GPR158: variants seen among roughly 807,000 people sequenced by gnomAD.
The protein encoded by GPR158 is G protein-coupled receptor 158, also known as metabotropic glycine receptor.
A neutral mutation model predicts 78.2 loss-of-function variants in GPR158; 30 were observed. The observed-to-expected ratio is 0.38, with a 90% CI of 0.29 to 0.52. The LOEUF is 0.52. Ranked by LOEUF, GPR158 falls within the 20% of genes least tolerant of loss-of-function variation. The pLI, the probability that GPR158 is intolerant of heterozygous loss-of-function variation, is 0.83. For missense variants in GPR158, 1,463 were observed against 1,523.5 expected, an observed-to-expected ratio of 0.96 and a Z score of 0.66; for synonymous variants, 581 against 591.1, an observed-to-expected ratio of 0.98 and a Z score of 0.25.
In GPR158 at chr10:25,175,394, T is replaced by C; in HGVS notation, c.-27T>C. ...TAAAAAGTGATTCCCCCCCCTCCCG[T>C]TCCCTCCTCTTCTCTCTGGGAGGCA... On this transcript the variant is annotated 5_prime_UTR_variant, in exon 1 of 11. Coordinates refer to ENST00000376351, the MANE Select transcript of GPR158 (RefSeq NM_020752.3). The surrounding 1 kb of genome is among the most constrained non-coding windows in gnomAD (Gnocchi z 6.4). 7.3e-7 allele frequency: 1 copy of C among 1,374,416 alleles called. No individual in the cohort carries two copies. The highest frequency in any genetic ancestry group is 1.4e-5 in the African/African-American group (1 of 69,028). The allele number at this position is 1,374,416 out of a possible 1,614,324, so 85.1% of individuals were successfully genotyped here.
intron 4 of GPR158, among the ~76,000 whole-genome samples, chr10:25,456,905 ATTAT>A (rs1835298233): frequency 6.6e-6 from 1 of 152,144 alleles, no homozygotes; most frequent in Non-Finnish European, 1.5e-5. Context: ...TTAGAGTTTA[ATTAT>A]TAAGATTTTT....
chr10:25,318,297 TCA>T lies in GPR158; in HGVS notation c.1009-77612_1009-77611del, dbSNP rs562713085. Among the ~76,000 whole-genome samples, 111 of 152,160 alleles carry T rather than the reference TCA, an allele frequency of 7.3e-4. No homozygotes were observed. In the South Asian group the frequency reaches 0.01, roughly 14 times the overall value. On this transcript the variant is annotated intron_variant, in intron 2 of 10. Coordinates refer to ENST00000376351, the MANE Select transcript of GPR158 (RefSeq NM_020752.3). ...GCAATTTCCAACAGTTGCCTCTCTC[TCA>T]CTCATCTTTCTCGGTGAGCACTGCC...
intron 3 of GPR158, among the ~76,000 whole-genome samples, chr10:25,401,218 A>G (rs763940638): frequency 1.3e-5 from 2 of 152,126 alleles, no homozygotes; most frequent in African/African-American, 4.8e-5. Flanking sequence ...GAGCTTGAAC[A>G]CCACAGTCTC....
intron 2 of GPR158, among the ~76,000 whole-genome samples, chr10:25,254,975 A>G (rs1252955479): frequency 6.6e-6 from 1 of 152,124 alleles, no homozygotes; most frequent in Non-Finnish European, 1.5e-5. Context: ...TTCTGGGTCT[A>G]TTACTTCCTG....
chr10:25,299,317 G>T (rs1277018391), intron 2 of GPR158, among the ~76,000 whole-genome samples: 1 of 152,106 alleles, frequency 6.6e-6, no homozygotes, highest in Non-Finnish European at 1.5e-5. Context: ...TATAGTCATT[G>T]TAATGTATCT....
At chr10:25,272,248 G>A (rs140936060) in intron 2 of GPR158, among the ~76,000 whole-genome samples, 93 of 152,150 alleles carry the variant, frequency 6.1e-4, no homozygotes, top group African/African-American at 2.2e-3. Flanking sequence ...TTCTTGCTAA[G>A]CTTTTTCAAA....
intron 2 of GPR158, among the ~76,000 whole-genome samples, chr10:25,230,893 A>G (rs1052542329): frequency 6.6e-6 from 1 of 152,162 alleles, no homozygotes; most frequent in Non-Finnish European, 1.5e-5. Context: ...ACCACATGAC[A>G]ATTTTGTGGA....
intron 2 of GPR158, among the ~76,000 whole-genome samples, chr10:25,356,458 C>T (rs1347774301): frequency 6.6e-6 from 1 of 152,028 alleles, no homozygotes; most frequent in Admixed American, 6.6e-5. Context: ...TGTGTCCCCA[C>T]CCAAATCTCA....
At chr10:25,538,538 A>G (rs1836531450) in intron 5 of GPR158, among the ~76,000 whole-genome samples, 1 of 152,060 alleles carries the variant, frequency 6.6e-6, no homozygotes, top group Non-Finnish European at 1.5e-5. Flanking sequence ...CTGGAGTGCG[A>G]TGGTTATTCA....
At chr10:25,424,342 G>A (rs1280586866) in intron 4 of GPR158, among the ~76,000 whole-genome samples, 1 of 152,152 alleles carries the variant, frequency 6.6e-6, no homozygotes, top group Non-Finnish European at 1.5e-5. Flanking sequence ...TGTTCACTCT[G>A]ATGGCATGGC....
intron 6 of GPR158, among the ~76,000 whole-genome samples, chr10:25,560,896 T>TACAG (rs1836851271): frequency 6.6e-6 from 1 of 152,188 alleles, no homozygotes; most frequent in African/African-American, 2.4e-5. Context: ...CAATCTTGAT[T>TACAG]ACAGAGAAAA....
chr10:25,498,931 C>A lies in GPR158; in HGVS notation c.1404+32212C>A, dbSNP rs376383706. Among the ~76,000 whole-genome samples the A allele has an allele frequency of 2.0e-5, 3 of 152,200 alleles. 1 individual carries two copies. The South Asian group carries it at 6.2e-4, about 32-fold the overall frequency. On this transcript the variant is annotated intron_variant, in intron 5 of 10. Transcript: ENST00000376351. ...AATGACTCATTTGCTTGAGGACTTT[C>A]GGAACCCTACAAGCCTGCAGGGCCT... is the stretch of plus-strand genomic sequence containing the variant.
chr10:25,561,642 G>A (rs1218437717), intron 6 of GPR158, among the ~76,000 whole-genome samples: 1 of 152,048 alleles, frequency 6.6e-6, no homozygotes, highest in Non-Finnish European at 1.5e-5. Flanking sequence ...GCCATCAAAT[G>A]TCCTTTATTT....
At chr10:25,262,200 A>C (rs536310294) in intron 2 of GPR158, among the ~76,000 whole-genome samples, 13 of 152,218 alleles carry the variant, frequency 8.5e-5, no homozygotes, top group African/African-American at 3.1e-4. Context: ...GGAATGATAG[A>C]CTTCTCTTGA....
chr10:25,257,408 G>C (rs1853903970), intron 2 of GPR158, among the ~76,000 whole-genome samples: 1 of 152,192 alleles, frequency 6.6e-6, no homozygotes, highest in Admixed American at 6.5e-5. Flanking sequence ...AAAAGACTTA[G>C]AAATTCTGAT....
chr10:25,422,625 T>C (rs1834765892), intron 4 of GPR158, among the ~76,000 whole-genome samples: 1 of 50,576 alleles, frequency 2.0e-5, no homozygotes, highest in African/African-American at 8.4e-5. Flanking sequence ...TTCATTGTAT[T>C]TGCAAAAAAA....
intron 1 of GPR158, among the ~76,000 whole-genome samples, chr10:25,208,059 G>T (rs76263282): frequency 1.3e-5 from 2 of 152,178 alleles, no homozygotes; most frequent in Admixed American, 1.3e-4. Context: ...CTAAACACTT[G>T]TAGGAGTTTA....
intron 2 of GPR158, among the ~76,000 whole-genome samples, chr10:25,346,243 A>G (rs551545789): frequency 6.6e-4 from 98 of 148,514 alleles, no homozygotes; most frequent in African/African-American, 2.4e-3. Context: ...TTGAACAAAG[A>G]AGTATTTTGC....
chr10:25,595,878 T>C (rs987560328), intron 9 of GPR158, among the ~76,000 whole-genome samples: 1 of 152,198 alleles, frequency 6.6e-6, no homozygotes, highest in African/African-American at 2.4e-5. Flanking sequence ...TTATAAATTT[T>C]ATAGTATGTG....
Sources: gnomAD v4.1 joint callset for allele counts (sites outside exome capture counted in the v4.1 genomes callset) on GRCh38, gnomAD v4.1.1 for gene constraint, Gnocchi (gnomAD v3.1) non-coding constraint, MANE v1.5 for transcripts, NCBI Gene and HGNC (gene_info 2026-07-23, HGNC 2026-07-21) for gene names.